CNTN5: variants seen among roughly 807,000 people sequenced by gnomAD.
CNTN5 encodes the protein contactin 5.
CNTN5 carries 77 observed loss-of-function variants against 129.1 expected under a neutral mutation model. The observed-to-expected ratio is 0.60, with a 90% CI of 0.50 to 0.72. The LOEUF (loss-of-function observed/expected upper bound fraction) is 0.72. Ranked by LOEUF, CNTN5 falls within the 30% of genes least tolerant of loss-of-function variation. CNTN5 has a pLI of 0.00. For synonymous variants in CNTN5, 509 were observed against 465.6 expected (o/e 1.09, Z -1.20); for missense variants, 1,478 against 1,328.8 (o/e 1.11, Z -1.75).
At chr11:100,085,080 G>C (rs779432240) in intron 13 of CNTN5, among the ~76,000 whole-genome samples, 1 of 152,116 alleles carries the variant, frequency 6.6e-6, no homozygotes, top group South Asian at 2.1e-4. Context: ...CCACTTAAGG[G>C]GGAGTAAATA....
At chr11:99,973,610 C>T (rs1327820678) in intron 8 of CNTN5, among the ~76,000 whole-genome samples, 2 of 152,176 alleles carry the variant, frequency 1.3e-5, no homozygotes, top group East Asian at 1.9e-4. Flanking sequence ...TGATTTCCTT[C>T]CATTTTTTTC....
chr11:99,524,566 C>G (rs1252352607), intron 2 of CNTN5, among the ~76,000 whole-genome samples: 1 of 152,106 alleles, frequency 6.6e-6, no homozygotes. Context: ...AATCCTAGCA[C>G]TTTGGGAGGC....
At chr11:99,311,475 A>G (rs1865113556) in intron 1 of CNTN5, among the ~76,000 whole-genome samples, 1 of 152,036 alleles carries the variant, frequency 6.6e-6, no homozygotes, top group South Asian at 2.1e-4. Context: ...CAGAGATTTC[A>G]TTTTTGTTTA....
At chr11:99,620,188 G>T (rs74656248) in intron 3 of CNTN5, among the ~76,000 whole-genome samples, 1,639 of 152,180 alleles carry the variant, frequency 0.011, 34 homozygotes, top group African/African-American at 0.036. Context: ...TTTGGCTGCA[G>T]AAGCTTGCCA....
intron 3 of CNTN5, among the ~76,000 whole-genome samples, chr11:99,764,716 C>T (rs958311155): frequency 1.3e-5 from 2 of 152,016 alleles, no homozygotes; most frequent in African/African-American, 4.8e-5. Context: ...TTATTTAATG[C>T]AATACATTCA....
chr11:99,954,814 T>G (rs1274778146), intron 7 of CNTN5, among the ~76,000 whole-genome samples: 1 of 152,186 alleles, frequency 6.6e-6, no homozygotes, highest in African/African-American at 2.4e-5. Flanking sequence ...ATTTCTACTT[T>G]TTATACTTCT....
chr11:100,291,580 G>C (rs1950972859), intron 18 of CNTN5, among the ~76,000 whole-genome samples: 1 of 151,596 alleles, frequency 6.6e-6, no homozygotes, highest in African/African-American at 2.4e-5. Flanking sequence ...GACACAGGAA[G>C]GGGAATATCA....
intron 6 of CNTN5, among the ~76,000 whole-genome samples, chr11:99,897,232 T>G (rs935771404): frequency 2.0e-5 from 3 of 151,992 alleles, no homozygotes; most frequent in Non-Finnish European, 2.9e-5. Flanking sequence ...CTGGAAAACA[T>G]TTGAGAGGAT....
chr11:99,567,366 A>T (rs1343051942), intron 3 of CNTN5, among the ~76,000 whole-genome samples: 9 of 149,904 alleles, frequency 6.0e-5, no homozygotes, highest in African/African-American at 9.8e-5. Context: ...AACAAAAGGC[A>T]TTTTTTTTTT....
At chr11:100,180,349 T>G (rs1373702655) in intron 13 of CNTN5, among the ~76,000 whole-genome samples, 1 of 151,858 alleles carries the variant, frequency 6.6e-6, no homozygotes, top group Non-Finnish European at 1.5e-5. Context: ...AGCAAAAAAG[T>G]AATTCAATGG....
At chr11:100,310,458 A>G (rs1368574434) in intron 21 of CNTN5, among the ~76,000 whole-genome samples, 2 of 151,892 alleles carry the variant, frequency 1.3e-5, no homozygotes, top group Non-Finnish European at 2.9e-5. Context: ...CTAAATATAA[A>G]TCATTCATTC....
At chr11:99,632,816 A>G (rs139134775) in intron 3 of CNTN5, among the ~76,000 whole-genome samples, 5 of 152,056 alleles carry the variant, frequency 3.3e-5, no homozygotes, top group Non-Finnish European at 7.4e-5. Context: ...TTTTGGGGTA[A>G]ATTATTCAGT....
intron 10 of CNTN5, among the ~76,000 whole-genome samples, chr11:100,062,705 G>A (rs1943532262): frequency 6.6e-6 from 1 of 152,192 alleles, no homozygotes; most frequent in Admixed American, 6.5e-5. Context: ...ACAGGGGAGA[G>A]CATCTGGAAG....
At chr11:99,551,579 A>G (rs866679360) in intron 2 of CNTN5, among the ~76,000 whole-genome samples, 1 of 152,208 alleles carries the variant, frequency 6.6e-6, no homozygotes, top group Non-Finnish European at 1.5e-5. Context: ...TGACTGAGCC[A>G]TATTCTGAGA....
intron 3 of CNTN5, among the ~76,000 whole-genome samples, chr11:99,746,905 G>T (rs1944072304): frequency 6.6e-6 from 1 of 152,088 alleles, no homozygotes. Flanking sequence ...GGCTATTCAG[G>T]TTCTTTTGTG....
intron 15 of CNTN5, among the ~76,000 whole-genome samples, chr11:100,220,133 C>T (rs868697911): frequency 2.0e-5 from 3 of 151,654 alleles, no homozygotes; most frequent in Non-Finnish European, 4.4e-5. Context: ...AAAAATTAGC[C>T]GGGCGTGGTG....
chr11:100,109,108 A>G (rs2138104754), intron 13 of CNTN5, among the ~76,000 whole-genome samples: 1 of 152,274 alleles, frequency 6.6e-6, no homozygotes, highest in East Asian at 1.9e-4. Flanking sequence ...AATCACAAAT[A>G]ACGCTAGAAT....
At chr11:99,443,701 A>G (rs556530482) in intron 2 of CNTN5, among the ~76,000 whole-genome samples, 1 of 152,350 alleles carries the variant, frequency 6.6e-6, no homozygotes, top group East Asian at 1.9e-4. Context: ...CAAATTAGAA[A>G]TAAGATAGTA....
intron 1 of CNTN5, among the ~76,000 whole-genome samples, chr11:99,321,765 G>A (rs529836995): frequency 6.6e-6 from 1 of 152,276 alleles, no homozygotes; most frequent in Admixed American, 6.5e-5. Context: ...GGTGATCTCA[G>A]TGTAGCGCTC....
Sources: gnomAD v4.1 joint callset for allele counts (sites outside exome capture counted in the v4.1 genomes callset) on GRCh38, gnomAD v4.1.1 for gene constraint, MANE v1.5 for transcripts, NCBI Gene and HGNC (gene_info 2026-07-23, HGNC 2026-07-21) for gene names.